Variants in CARD8 observed in about 807,000 individuals in gnomAD.
The protein encoded by CARD8 is caspase recruitment domain family member 8.
CARD8 carries 38 observed loss-of-function variants against 53.2 expected under a neutral mutation model. The ratio of observed to expected loss-of-function variants is 0.71; its 90% CI spans 0.55 to 0.94. The LOEUF (loss-of-function observed/expected upper bound fraction) is 0.94, where lower values mean the gene tolerates loss of function less well. Ranked by LOEUF, CARD8 falls within the 40% of genes least tolerant of loss-of-function variation. The pLI is 0.00. For missense variants in CARD8, 561 were observed against 655.5 expected, an observed-to-expected ratio of 0.86 and a Z score of 1.57; for synonymous variants, 245 against 244.9, an observed-to-expected ratio of 1.00 and a Z score of 0.00.
At position 48,238,447 on chromosome 19, in the gene CARD8, G is replaced by A. The variant is rs781636565; in HGVS notation, c.145C>T (p.Arg49Trp). The A allele has an allele frequency of 8.3e-5, 127 of 1,536,100 alleles. No individual in the cohort carries two copies. The African/African-American group carries it at 1.1e-3, about 13-fold the overall frequency. The change falls in exon 5 of 14, where the codon CGG becomes TGG. Residue 49 changes from arginine (R) to tryptophan (W), a missense_variant. Coordinates refer to ENST00000651546, the MANE Select transcript of CARD8 (RefSeq NM_001184900.3). Reference protein sequence around the residue: ...SRKLLVDNSIRELQYTKTGIF... With the variant: ...SRKLLVDNSIWELQYTKTGIF... Reference sequence around the variant, plus strand: ...CCAGTTTTTGTGTATTGCAGTTCCCGTATGCTATTGTCAACCAACAGTTTC... The same window carrying A: ...CCAGTTTTTGTGTATTGCAGTTCCCATATGCTATTGTCAACCAACAGTTTC...
chr19:48,243,546 A>C (rs981862187), intron 3 of CARD8, among the ~76,000 whole-genome samples: 3 of 152,200 alleles, frequency 2.0e-5, no homozygotes, highest in Non-Finnish European at 4.4e-5. Flanking sequence ...AATTTAATTT[A>C]GCTATCCTCT....
downstream of CARD8, chr19:48,204,195 G>A (rs1210761961): frequency 2.2e-6 from 1 of 455,838 alleles, no homozygotes; most frequent in South Asian, 1.5e-5. Context: ...GTTACGAGCC[G>A]CTCAGCGCGC....
chr19:48,230,769 C>G lies in CARD8; in HGVS notation c.772+8G>C, dbSNP rs376991226. Reference sequence around the variant, plus strand: ...CGGCCCCCACAGCCTCCGCTCACCCCACATTACCTTGGAGGGAGATGAAGT... The same window carrying G: ...CGGCCCCCACAGCCTCCGCTCACCCGACATTACCTTGGAGGGAGATGAAGT... On this transcript the variant is annotated splice_region_variant and intron_variant, in intron 9 of 13. Coordinates refer to ENST00000651546, the MANE Select transcript of CARD8 (RefSeq NM_001184900.3). The G allele has an allele frequency of 6.2e-7, 1 of 1,613,962 alleles. No homozygotes were observed. Among genetic ancestry groups the G allele is most frequent in the Admixed American group, 1.7e-5 (1 of 60,028 alleles).
downstream of CARD8, among the ~76,000 whole-genome samples, chr19:48,205,385 AC>A (rs958599676): frequency 2.0e-5 from 3 of 151,886 alleles, no homozygotes; most frequent in Non-Finnish European, 4.4e-5. Context: ...GCGCACCACC[AC>A]GCCCGGCTAA....
intron 4 of CARD8, among the ~76,000 whole-genome samples, chr19:48,238,925 T>C (rs1410095003): frequency 6.6e-6 from 1 of 152,230 alleles, no homozygotes; most frequent in Non-Finnish European, 1.5e-5. Context: ...TCGTAGACAA[T>C]GATCTTATCT....
At chr19:48,232,912 T>C (rs954574499) in intron 6 of CARD8, 48 of 401,660 alleles carry the variant, frequency 1.2e-4, no homozygotes, top group African/African-American at 9.7e-4. Flanking sequence ...CTTTGTATTA[T>C]GCCCACGTTC....
intron 4 of CARD8, 146 bp downstream of exon 4, chr19:48,240,816 C>T (rs2044866544): frequency 2.9e-6 from 2 of 683,146 alleles, no homozygotes; most frequent in Non-Finnish European, 4.8e-6. Flanking sequence ...GTTTTCCCTT[C>T]ATTCATGCAG....
chr19:48,244,253 A>G (rs2045726972), intron 3 of CARD8, among the ~76,000 whole-genome samples: 1 of 152,202 alleles, frequency 6.6e-6, no homozygotes. Flanking sequence ...GCAATGAGAA[A>G]TAACAGTTTA....
At chr19:48,221,586 T>A (rs993356846) in intron 11 of CARD8, 144 bp downstream of exon 11, 24 of 512,232 alleles carry the variant, frequency 4.7e-5, no homozygotes, top group Middle Eastern at 5.3e-4. Flanking sequence ...TGATTAATAC[T>A]ATTTTTCTAT....
intron 6 of CARD8, 167 bp downstream of exon 6, chr19:48,234,236 C>T: frequency 3.1e-6 from 2 of 646,102 alleles, no homozygotes; most frequent in Non-Finnish European, 5.2e-6. Flanking sequence ...AACCTCATTG[C>T]TTAAGGTTTG....
At chr19:48,204,898 G>C (rs2037285721), downstream of CARD8, among the ~76,000 whole-genome samples, 1 of 152,152 alleles carries the variant, frequency 6.6e-6, no homozygotes, top group South Asian at 2.1e-4. Context: ...CAGATTTAGG[G>C]GGAAAGCAAT....
At chr19:48,251,558 G>A (rs10420505) in intron 1 of CARD8, among the ~76,000 whole-genome samples, 28,451 of 152,120 alleles carry the variant, frequency 0.19, 2,787 homozygotes, top group East Asian at 0.33. Context: ...TTGCAAGACT[G>A]TTGTCAAACT....
chr19:48,237,625 C>G (rs532597624), intron 5 of CARD8, among the ~76,000 whole-genome samples: 1 of 151,722 alleles, frequency 6.6e-6, no homozygotes, highest in South Asian at 2.1e-4. Flanking sequence ...GGTGAAACCC[C>G]GTATCTACTA....
intron 3 of CARD8, among the ~76,000 whole-genome samples, chr19:48,247,803 G>C (rs1050776292): frequency 6.7e-5 from 10 of 148,908 alleles, no homozygotes; most frequent in African/African-American, 2.5e-4. Context: ...GCTTCCATTT[G>C]TTTTGATGTC....
downstream of CARD8, among the ~76,000 whole-genome samples, chr19:48,207,217 A>G (rs2037390948): frequency 1.3e-5 from 2 of 151,878 alleles, no homozygotes; most frequent in Non-Finnish European, 2.9e-5. Context: ...GAATTGGCCA[A>G]ATATTTATCT....
At chr19:48,250,851 G>GA (rs1472722085) in intron 1 of CARD8, among the ~76,000 whole-genome samples, 4 of 152,060 alleles carry the variant, frequency 2.6e-5, no homozygotes, top group African/African-American at 9.7e-5. Flanking sequence ...CTGCACCTCT[G>GA]AAAAAATTTA....
At chr19:48,254,146 T>G (rs962742041) in intron 1 of CARD8, among the ~76,000 whole-genome samples, 8 of 152,218 alleles carry the variant, frequency 5.3e-5, no homozygotes, top group Non-Finnish European at 1.0e-4. Flanking sequence ...AGTACATGCC[T>G]GTAATCCCAC....
rs772966310 is a variant in CARD8 at position 48,234,396 on chromosome 19, T to C, written c.350+7A>G. 2.5e-6 allele frequency: 4 copies of C among 1,606,996 alleles called. No homozygotes were observed. The highest frequency in any genetic ancestry group is 3.4e-6 in the Non-Finnish European group (4 of 1,177,412). On this transcript the variant is annotated splice_region_variant and intron_variant, in intron 6 of 13. Coordinates refer to ENST00000651546, the MANE Select transcript of CARD8 (RefSeq NM_001184900.3). ...CAATAGTTTTCCAACGGAATAGCTT[T>C]TCTTACCTGGGAATGTCCCCCCCAG...
chr19:48,205,548 AGAT>A (rs1273532581), downstream of CARD8, among the ~76,000 whole-genome samples: 1 of 152,172 alleles, frequency 6.6e-6, no homozygotes, highest in Non-Finnish European at 1.5e-5. Flanking sequence ...ATTGTTAAAC[AGAT>A]AATATATAAT....
Sources: allele counts gnomAD v4.1 joint callset (sites outside exome capture counted in the v4.1 genomes callset), GRCh38; gene constraint gnomAD v4.1.1; transcripts MANE v1.5; gene names NCBI Gene and HGNC (gene_info 2026-07-23, HGNC 2026-07-21).